Variants in FLG observed in about 807,000 individuals in gnomAD.
FLG encodes filaggrin, also known as epidermal filaggrin.
FLG carries 6 observed loss-of-function variants against 3.8 expected under a neutral mutation model. The observed-to-expected ratio is 1.60, with a 90% CI of 0.87 to 3.15. The LOEUF (loss-of-function observed/expected upper bound fraction) is 3.15. Among genes scored for constraint, FLG ranks in the 30% most tolerant of loss-of-function variants. The pLI is 0.00. For missense variants in FLG, 7,595 were observed against 5,050.9 expected, an observed-to-expected ratio of 1.50 and a Z score of -15.27; for synonymous variants, 2,551 against 1,931.6, an observed-to-expected ratio of 1.32 and a Z score of -8.41.
In FLG at chr1:152,308,497, G is replaced by T. The variant is rs1347318260; in HGVS notation, c.6389C>A (p.Ala2130Glu). The change falls in exon 3 of 3, where the codon GCA becomes GAA. Residue 2130 changes from alanine (A) to glutamate (E), a missense_variant. By Grantham distance (107) the Ala-to-Glu change is moderately radical. Coordinates refer to ENST00000368799, the MANE Select transcript of FLG (RefSeq NM_002016.2). ...DQAQDSSRHS[A>E]SQEGQDTIRG... ...AATGGTGTCCTGACCCTCTTGGGATGCTGAGTGCCTGGAGCTGTCTTGTGC... is the reference window on the plus strand; with the variant it reads ...AATGGTGTCCTGACCCTCTTGGGATTCTGAGTGCCTGGAGCTGTCTTGTGC... 6.2e-7 allele frequency: 1 copy of T among 1,613,540 alleles called. No individual in the cohort carries two copies. Among genetic ancestry groups the T allele is most frequent in the Non-Finnish European group, 8.5e-7 (1 of 1,179,680 alleles).
rs1651709487 is a variant in FLG at position 152,303,193 on chromosome 1, C to T, written c.11693G>A (p.Gly3898Asp). The change falls in exon 3 of 3, where the codon GGC (glycine) becomes GAC (aspartate). Residue 3898 changes from glycine to aspartate, a missense_variant. Physicochemically the swap from Gly to Asp is moderately conservative, Grantham distance 94. Transcript: ENST00000368799. ...HGSSREQSRD[G>D]SRHPGSSHRD... The stretch of plus-strand genomic sequence containing the variant: ...GTGAGAGGATCCGGGGTGTCTGGAG[C>T]CATCTCTTGACTGCTCCCGAGAAGA... 1 of 1,614,098 alleles carries T rather than the reference C, an allele frequency of 6.2e-7. No homozygotes were observed. Among genetic ancestry groups the T allele is most frequent in the Non-Finnish European group, 8.5e-7 (1 of 1,180,022 alleles).
rs755034552 is a variant in FLG at position 152,312,829 on chromosome 1, T to G, written c.2057A>C (p.Gln686Pro). Residue 686 changes from glutamine (Q) to proline (P), a missense_variant, in exon 3 of 3, where the codon CAG becomes CCG. Physicochemically the swap from Gln to Pro is moderately conservative, Grantham distance 76 (BLOSUM62 -1). Coordinates refer to ENST00000368799, the MANE Select transcript of FLG (RefSeq NM_002016.2). Reference sequence around the variant, plus strand: ...CGCAGCCTGTCCACTAGAGGAATTCTGTGTGTGACGAGTGCCTGATTTTCT... The same window carrying G: ...CGCAGCCTGTCCACTAGAGGAATTCGGTGTGTGACGAGTGCCTGATTTTCT... ...SSRKSGTRHT[Q>P]NSSSGQAASS... 111 of 1,613,964 alleles carry G rather than the reference T, an allele frequency of 6.9e-5. 5 individuals carry two copies. In the South Asian group the frequency reaches 1.2e-3, roughly 17 times the overall value.
chr1:152,304,737 T>C lies in FLG; in HGVS notation c.10149A>G (p.Ser3383=). The C allele has an allele frequency of 1.2e-6, 2 of 1,613,484 alleles. No individual in the cohort carries two copies. Among genetic ancestry groups the C allele is most frequent in the South Asian group, 1.1e-5 (1 of 90,922 alleles). ...RDRSGGRSGR[S]GSFLYQVSTH... ...TGCTCACCTGGTAGAGGAAAGACCC[T>C]GAACGTCCAGACCTTCCCCCTGACC... The change falls in exon 3 of 3, where the codon TCA becomes TCG. Residue 3383 remains serine (S), a synonymous_variant. Coordinates refer to ENST00000368799, the MANE Select transcript of FLG (RefSeq NM_002016.2).
rs1238258468 is a variant in FLG at position 152,311,769 on chromosome 1, C to G, written c.3117G>C (p.Gln1039His). 1 of 1,614,078 alleles carries G rather than the reference C, an allele frequency of 6.2e-7. No homozygotes were observed. The highest frequency in any genetic ancestry group is 1.1e-5 in the South Asian group (1 of 91,054). The stretch of plus-strand genomic sequence containing the variant: ...CTGAGTGTCTGGAGCTGTCTGCTGA[C>G]TGCTGGTGGCGGGATCCGTGTCTTT... Reference protein sequence around the residue: ...PGERHGSRHQQSADSSRHSGI... With the variant: ...PGERHGSRHQHSADSSRHSGI... The change falls in exon 3 of 3, where the codon CAG becomes CAC. Residue 1039 changes from glutamine to histidine, a missense_variant. Coordinates refer to ENST00000368799, the MANE Select transcript of FLG (RefSeq NM_002016.2).
At position 152,305,237 on chromosome 1, in the gene FLG, G is replaced by T. The variant is rs1384603656; in HGVS notation, c.9649C>A (p.Gln3217Lys). 1 of 1,612,922 alleles carries T rather than the reference G, an allele frequency of 6.2e-7. No homozygotes were observed. The highest frequency in any genetic ancestry group is 1.3e-5 in the African/African-American group (1 of 74,618). Residue 3217 changes from glutamine (Q) to lysine (K), a missense_variant, in exon 3 of 3, where the codon CAG becomes AAG. Physicochemically the swap from Gln to Lys is moderately conservative, Grantham distance 53. Transcript: ENST00000368799. The stretch of plus-strand genomic sequence containing the variant: ...GAATGTCCCTCACTGTCACTGTCCT[G>T]GCTCACACTGGATCCCTGGCGCCTG... ...RSRRQGSSVS[Q>K]DSDSEGHSED...
At position 152,311,110 on chromosome 1, in the gene FLG, C is replaced by T. The variant is rs776372595; in HGVS notation, c.3776G>A (p.Gly1259Glu). 1.9e-6 allele frequency: 3 copies of T among 1,613,638 alleles called. No homozygotes were observed. Among genetic ancestry groups the T allele is most frequent in the African/African-American group, 1.3e-5 (1 of 74,778 alleles). ...HSQVGQEQSS[G>E]SRTSRHQGSS... Reference sequence around the variant, plus strand: ...TCCCTGGTGCCTGCTTGTCCTGGACCCCGATGATTGTTCCTGTCCCACCTG... The same window carrying T: ...TCCCTGGTGCCTGCTTGTCCTGGACTCCGATGATTGTTCCTGTCCCACCTG... Residue 1259 changes from glycine (G) to glutamate (E), a missense_variant, in exon 3 of 3, where the codon GGG (glycine) becomes GAG (glutamate). By Grantham distance (98) the Gly-to-Glu change is moderately conservative. Coordinates refer to ENST00000368799, the MANE Select transcript of FLG (RefSeq NM_002016.2).
Position 152,304,823 on chromosome 1 carries a change from C to G in FLG, c.10063G>C (p.Val3355Leu). The change falls in exon 3 of 3, where the codon GTG (valine) becomes CTG (leucine). Residue 3355 changes from valine (V) to leucine (L), a missense_variant. By Grantham distance (32) the Val-to-Leu change is conservative (BLOSUM62 1). Coordinates refer to ENST00000368799, the MANE Select transcript of FLG (RefSeq NM_002016.2). ...GHSEESDTQS[V>L]SGHGQAGPHQ... Reference sequence around the variant, plus strand: ...GGCCCAGCCTGTCCATGGCCTGACACTGACTGTGTGTCTGACTCTTCTGAA... The same window carrying G: ...GGCCCAGCCTGTCCATGGCCTGACAGTGACTGTGTGTCTGACTCTTCTGAA... 1.2e-6 allele frequency: 2 copies of G among 1,613,954 alleles called. No individual in the cohort carries two copies. Among genetic ancestry groups the G allele is most frequent in the South Asian group, 1.1e-5 (1 of 91,004 alleles).
Position 152,305,470 on chromosome 1 carries a change from T to C in FLG, c.9416A>G (p.His3139Arg). 1 of 1,587,870 alleles carries C rather than the reference T, an allele frequency of 6.3e-7. No individual in the cohort carries two copies. The highest frequency in any genetic ancestry group is 8.5e-7 in the Non-Finnish European group (1 of 1,172,528). Reference protein sequence around the residue: ...SVDSSGHSGSHHSHTTSQGRS... With the variant: ...SVDSSGHSGSRHSHTTSQGRS... ...TCCCTGGGATGTGGTGTGGCTGTGATGGGACCCTGAGTGTCCAGAGCTATC... is the reference window on the plus strand; with the variant it reads ...TCCCTGGGATGTGGTGTGGCTGTGACGGGACCCTGAGTGTCCAGAGCTATC... The change falls in exon 3 of 3, where the codon CAT (histidine) becomes CGT (arginine). Residue 3139 changes from histidine to arginine, a missense_variant. His to Arg is a conservative substitution (Grantham distance 29). Coordinates refer to ENST00000368799, the MANE Select transcript of FLG (RefSeq NM_002016.2).
chr1:152,304,500 G>A lies in FLG; in HGVS notation c.10386C>T (p.Ser3462=), dbSNP rs140294281. ...QSVDRSGHSG[S]HHSHTTSQGR... ...CCTGGGATGTGGTGTGGCTGTGATG[G>A]GACCCTGAGTGTCCAGACCTATCTA... Residue 3462 remains serine (S), a synonymous_variant, in exon 3 of 3, where the codon TCC becomes TCT. Transcript: ENST00000368799. 12,084 of 1,612,776 alleles carry A rather than the reference G, an allele frequency of 7.5e-3. 204 individuals carry two copies. The highest frequency in any genetic ancestry group is 9.4e-3 in the Non-Finnish European group (11,108 of 1,179,596).
rs572577859 is a variant in FLG at position 152,308,946 on chromosome 1, A to T, written c.5940T>A (p.Arg1980=). ...SADSSRQSGT[R]HTESSSRGQA... ...GTCCACGAGAGGAAGACTCTGTGTG[A>T]CGAGTGCCTGATTGTCTGGAGCTGT... Residue 1980 remains arginine (R), a synonymous_variant, in exon 3 of 3, where the codon CGT becomes CGA. Coordinates refer to ENST00000368799, the MANE Select transcript of FLG (RefSeq NM_002016.2). 2.6e-5 allele frequency: 42 copies of T among 1,614,100 alleles called. No homozygotes were observed. The highest frequency in any genetic ancestry group is 1.9e-5 in the Non-Finnish European group (22 of 1,179,984).
In FLG at chr1:152,310,456, G is replaced by A. The variant is rs772962994; in HGVS notation, c.4430C>T (p.Ser1477Phe). ...ACCGTCTTGGGATGCTGAGTGCCTA[G>A]AGCTGTTTCGTGCCTGCTCATGGCG... ...GSRHEQARNS[S>F]RHSASQDGQD... The change falls in exon 3 of 3, where the codon TCT (serine) becomes TTT (phenylalanine). Residue 1477 changes from serine to phenylalanine, a missense_variant. Coordinates refer to ENST00000368799, the MANE Select transcript of FLG (RefSeq NM_002016.2). 1 of 1,613,626 alleles carries A rather than the reference G, an allele frequency of 6.2e-7. No homozygotes were observed. Among genetic ancestry groups the A allele is most frequent in the East Asian group, 2.2e-5 (1 of 44,826 alleles).
At position 152,309,468 on chromosome 1, in the gene FLG, G is replaced by A; in HGVS notation, c.5418C>T (p.Ser1806=). 6.2e-7 allele frequency: 1 copy of A among 1,612,872 alleles called. No homozygotes were observed. Among genetic ancestry groups the A allele is most frequent in the East Asian group, 2.2e-5 (1 of 44,726 alleles). ...CACGAATGGTGTCCTGACCCTCTTG[G>A]GACGCTGAGTGCCTGGAGCTGTCTC... The part of the protein sequence containing the change: ...QARDSSRHSA[S]QEGQDTIRGH... The change falls in exon 3 of 3, where the codon TCC becomes TCT. Residue 1806 remains serine (S), a synonymous_variant. Transcript: ENST00000368799.
Position 152,312,803 on chromosome 1 carries a change from A to G in FLG, c.2083T>C (p.Ser695Pro). ...TQNSSSGQAASSHEQARSSAG... is the reference protein window; with the variant it reads ...TQNSSSGQAAPSHEQARSSAG... ...CTTGATCTTGCCTGTTCATGGGATG[A>G]CGCAGCCTGTCCACTAGAGGAATTC... Residue 695 changes from serine (S) to proline (P), a missense_variant, in exon 3 of 3, where the codon TCA becomes CCA. Transcript: ENST00000368799. 1 of 1,613,786 alleles carries G rather than the reference A, an allele frequency of 6.2e-7. No homozygotes were observed. Among genetic ancestry groups the G allele is most frequent in the South Asian group, 1.1e-5 (1 of 91,048 alleles).
intron 2 of FLG, 131 bp from the exon 3 acceptor site, chr1:152,314,878 A>G: frequency 3.6e-6 from 4 of 1,108,288 alleles, no homozygotes; most frequent in Non-Finnish European, 5.2e-6. Flanking sequence ...TTTTTTTTTT[A>G]AGACTTTTTT....
rs200810787 is a variant in FLG at position 152,304,401 on chromosome 1, T to G, written c.10485A>C (p.Ser3495=). 1.5e-4 allele frequency: 246 copies of G among 1,611,820 alleles called. 3 individuals are homozygous for G. Among genetic ancestry groups the G allele is most frequent in the Non-Finnish European group, 2.5e-5 (30 of 1,179,096 alleles). The change falls in exon 3 of 3, where the codon TCA becomes TCC. Residue 3495 remains serine, a synonymous_variant. Transcript: ENST00000368799. ...ACCATGAGTGCCTGGAGCCATCTCC[T>G]GATTGTTCGTCATTACGAGTTTGTC... ...ASRQTRNDEQ[S]GDGSRHSWSH...
chr1:152,312,535 C>T lies in FLG; in HGVS notation c.2351G>A (p.Gly784Glu). The change falls in exon 3 of 3, where the codon GGG becomes GAG. Residue 784 changes from glycine to glutamate, a missense_variant. Coordinates refer to ENST00000368799, the MANE Select transcript of FLG (RefSeq NM_002016.2). ...AGACCCTGAACGTCGAGACCTTTCC[C>T]CTGACCGGTCACGTGCGGACTCTTG... is the stretch of plus-strand genomic sequence containing the variant. ...SHQESARDRS[G>E]ERSRRSGSFL... is the part of the protein sequence containing the mutation. 1 of 1,613,598 alleles carries T rather than the reference C, an allele frequency of 6.2e-7. No individual in the cohort carries two copies. Among genetic ancestry groups the T allele is most frequent in the Middle Eastern group, 1.7e-4 (1 of 6,058 alleles).
rs751905046 is a variant in FLG, at chr1:152,314,437, T to C, written c.449A>G (p.Lys150Arg). 5 of 1,613,700 alleles carry C rather than the reference T, an allele frequency of 3.1e-6. No individual in the cohort carries two copies. Among genetic ancestry groups the C allele is most frequent in the Non-Finnish European group, 4.2e-6 (5 of 1,179,890 alleles). ...RSKSPRETGG[K>R]RHESSSEKKE... is the part of the protein sequence containing the mutation. ...TTTTTCAGAACTAGATTCATGCCTTTTCCCCCCTGTTTCTCTTGGGCTCTT... is the reference window on the plus strand; with the variant it reads ...TTTTTCAGAACTAGATTCATGCCTTCTCCCCCCTGTTTCTCTTGGGCTCTT... Residue 150 changes from lysine (K) to arginine (R), a missense_variant, in exon 3 of 3, where the codon AAA becomes AGA. By Grantham distance (26) the Lys-to-Arg change is conservative (BLOSUM62 2). Transcript: ENST00000368799.
chr1:152,305,345 G>T lies in FLG; in HGVS notation c.9541C>A (p.Arg3181Ser), dbSNP rs555274375. Residue 3181 changes from arginine (R) to serine (S), a missense_variant, in exon 3 of 3, where the codon CGT becomes AGT. Coordinates refer to ENST00000368799, the MANE Select transcript of FLG (RefSeq NM_002016.2). ...SGDSSRHSVSRHHEASTHADI... is the reference protein window; with the variant it reads ...SGDSSRHSVSSHHEASTHADI... ...GCATGAGTGGAAGCTTCATGGTGACGTGACACTGAGTGCCTGGAGCTGTCT... is the reference window on the plus strand; with the variant it reads ...GCATGAGTGGAAGCTTCATGGTGACTTGACACTGAGTGCCTGGAGCTGTCT... 1.2e-6 allele frequency: 2 copies of T among 1,606,826 alleles called. No individual in the cohort carries two copies. Among genetic ancestry groups the T allele is most frequent in the East Asian group, 4.5e-5 (2 of 44,148 alleles).
rs1651709550 is a variant in FLG, at chr1:152,303,194, C to G, written c.11692G>C (p.Gly3898Arg). The G allele has an allele frequency of 6.2e-7, 1 of 1,613,984 alleles. No homozygotes were observed. Among genetic ancestry groups the G allele is most frequent in the Non-Finnish European group, 8.5e-7 (1 of 1,180,034 alleles). Residue 3898 changes from glycine (G) to arginine (R), a missense_variant, in exon 3 of 3, where the codon GGC becomes CGC. Coordinates refer to ENST00000368799, the MANE Select transcript of FLG (RefSeq NM_002016.2). Reference protein sequence around the residue: ...HGSSREQSRDGSRHPGSSHRD... With the variant: ...HGSSREQSRDRSRHPGSSHRD... ...TGAGAGGATCCGGGGTGTCTGGAGC[C>G]ATCTCTTGACTGCTCCCGAGAAGAT...
Sources: allele counts gnomAD v4.1 joint callset, GRCh38; gene constraint gnomAD v4.1.1; transcripts MANE v1.5; gene names NCBI Gene and HGNC (gene_info 2026-07-23, HGNC 2026-07-21).